The following ASAP2 variants were observed in gnomAD, a reference collection of about 807,000 sequenced individuals.
The protein encoded by ASAP2 is arf-GAP with SH3 domain, ANK repeat and PH domain-containing protein 2.
A neutral mutation model predicts 131.4 loss-of-function variants in ASAP2; 45 were observed. That is an observed-to-expected ratio of 0.34 (90% CI 0.27 to 0.44). The LOEUF is 0.44. Ranked by LOEUF, ASAP2 falls within the 20% of genes least tolerant of loss-of-function variation. The pLI is 1.00. For missense variants in ASAP2, 1,011 were observed against 1,297.0 expected, an observed-to-expected ratio of 0.78 and a Z score of 3.39; for synonymous variants, 510 against 503.0, an observed-to-expected ratio of 1.01 and a Z score of -0.19.
In ASAP2 at chr2:9,385,361, C is replaced by G. The variant is rs767518399; in HGVS notation, c.2130+3C>G. On this transcript the variant is annotated splice_donor_region_variant and intron_variant, in intron 21 of 27. Transcript: ENST00000281419. ...ACGACATGGATGAGAAATTGCAGGT[C>G]TGTGCCAGGTTGCTAACCATTAAGA... is the stretch of plus-strand genomic sequence containing the variant. 2 of 1,608,574 alleles carry G rather than the reference C, an allele frequency of 1.2e-6. No homozygotes were observed. The highest frequency in any genetic ancestry group is 1.1e-5 in the South Asian group (1 of 90,978).
At chr2:9,287,118 C>T (rs891243164) in intron 2 of ASAP2, among the ~76,000 whole-genome samples, 3 of 152,202 alleles carry the variant, frequency 2.0e-5, no homozygotes, top group Non-Finnish European at 2.9e-5. Flanking sequence ...ACCAGGTGAG[C>T]GTCCCGTCTC....
At chr2:9,267,762 G>A (rs748975183) in intron 1 of ASAP2, among the ~76,000 whole-genome samples, 10 of 152,036 alleles carry the variant, frequency 6.6e-5, no homozygotes, top group Non-Finnish European at 1.2e-4. Context: ...GCTGGGCGTA[G>A]TAGTGCACAC....
intron 2 of ASAP2, among the ~76,000 whole-genome samples, chr2:9,290,779 C>T (rs932478844): frequency 6.6e-6 from 1 of 152,192 alleles, no homozygotes; most frequent in East Asian, 1.9e-4. Flanking sequence ...AGCTCTGCCT[C>T]TTAGAAGTTG....
At chr2:9,229,243 G>A (rs893888898) in intron 1 of ASAP2, among the ~76,000 whole-genome samples, 2 of 152,190 alleles carry the variant, frequency 1.3e-5, no homozygotes, top group African/African-American at 4.8e-5. Flanking sequence ...TGGCGGGGCA[G>A]GTGGCCGGTG....
At chr2:9,242,200 G>A (rs185077309) in intron 1 of ASAP2, among the ~76,000 whole-genome samples, 49 of 152,258 alleles carry the variant, frequency 3.2e-4, no homozygotes, top group African/African-American at 1.2e-3. Flanking sequence ...TCTTTGGACC[G>A]TGATCTTAGG....
intron 7 of ASAP2, among the ~76,000 whole-genome samples, chr2:9,334,533 G>A (rs1357125801): frequency 2.6e-5 from 4 of 152,058 alleles, no homozygotes; most frequent in East Asian, 3.9e-4. Flanking sequence ...TAAGCTTATT[G>A]CATTTCCTTT....
At chr2:9,312,285 T>G (rs1401614354) in intron 3 of ASAP2, among the ~76,000 whole-genome samples, 1 of 152,224 alleles carries the variant, frequency 6.6e-6, no homozygotes, top group Non-Finnish European at 1.5e-5. Flanking sequence ...TTTTGGATAA[T>G]TTAAATAATT....
chr2:9,305,451 ATTGGTGTAGAGG>A (rs1668829979), intron 3 of ASAP2, among the ~76,000 whole-genome samples: 1 of 116,294 alleles, frequency 8.6e-6, no homozygotes, highest in African/African-American at 3.3e-5. Flanking sequence ...GGGTATAGAT[ATTGGTGTAGAGG>A]CTGTAGTAGT....
At chr2:9,306,046 G>C (rs946940001) in intron 3 of ASAP2, among the ~76,000 whole-genome samples, 3 of 143,704 alleles carry the variant, frequency 2.1e-5, no homozygotes, top group Non-Finnish European at 4.6e-5. Context: ...GGCTGTGGGA[G>C]AGTATCGATA....
chr2:9,223,340 G>A (rs544337553), intron 1 of ASAP2, among the ~76,000 whole-genome samples: 1 of 152,084 alleles, frequency 6.6e-6, no homozygotes, highest in Non-Finnish European at 1.5e-5. Context: ...TCTCTTAAGG[G>A]CCCTGTTTTA....
At chr2:9,348,520 T>A (rs1672123004) in intron 11 of ASAP2, among the ~76,000 whole-genome samples, 1 of 152,254 alleles carries the variant, frequency 6.6e-6, no homozygotes, top group Non-Finnish European at 1.5e-5. Context: ...TTGCTAATAC[T>A]TAATCTATGT....
intron 18 of ASAP2, 85 bp downstream of exon 18, chr2:9,377,078 A>G (rs933153148): frequency 4.3e-5 from 53 of 1,223,122 alleles, no homozygotes; most frequent in Non-Finnish European, 5.6e-5. Context: ...ATCGCTTCTG[A>G]TGTGTTGTCA....
intron 2 of ASAP2, among the ~76,000 whole-genome samples, chr2:9,284,417 T>C (rs1667336358): frequency 6.6e-6 from 1 of 152,208 alleles, no homozygotes. Flanking sequence ...GAAAGACCAA[T>C]TCTGGGAGAT....
intron 21 of ASAP2, 69 bp from the exon 22 acceptor site, chr2:9,388,225 T>C: frequency 1.3e-6 from 2 of 1,590,474 alleles, no homozygotes; most frequent in Non-Finnish European, 1.7e-6. Context: ...TTCACCCCTG[T>C]GTTGAATGTT....
At chr2:9,286,325 G>A (rs2148342427) in intron 2 of ASAP2, among the ~76,000 whole-genome samples, 1 of 152,180 alleles carries the variant, frequency 6.6e-6, no homozygotes, top group African/African-American at 2.4e-5. Flanking sequence ...ATGAACCTGG[G>A]AGGTTGAGGC....
At chr2:9,236,635 T>A (rs952499112) in intron 1 of ASAP2, among the ~76,000 whole-genome samples, 3 of 152,202 alleles carry the variant, frequency 2.0e-5, no homozygotes, top group Non-Finnish European at 2.9e-5. Flanking sequence ...TGATAAAATT[T>A]AAAAAATTAA....
rs368070565 is a variant in ASAP2 at position 9,231,621 on chromosome 2, G to A, written c.126+24391G>A. Among the ~76,000 whole-genome samples the A allele has an allele frequency of 5.9e-4, 90 of 152,290 alleles. 1 individual carries two copies. The highest frequency in any genetic ancestry group is 2.0e-3 in the African/African-American group (82 of 41,566). ...CTGCCTGTTCTTCCTCCTGTCAGAGGGCCCTGTTCTTGCTCATAGACTCCT... is the reference window on the plus strand; with the variant it reads ...CTGCCTGTTCTTCCTCCTGTCAGAGAGCCCTGTTCTTGCTCATAGACTCCT... On this transcript the variant is annotated intron_variant, in intron 1 of 27. Coordinates refer to ENST00000281419, the MANE Select transcript of ASAP2 (RefSeq NM_003887.3).
At chr2:9,228,941 C>G (rs890563216) in intron 1 of ASAP2, among the ~76,000 whole-genome samples, 1 of 152,164 alleles carries the variant, frequency 6.6e-6, no homozygotes, top group Admixed American at 6.5e-5. Flanking sequence ...GCACCCCTCA[C>G]GGGCCAACTC....
At chr2:9,376,160 C>T (rs879281937) in intron 17 of ASAP2, among the ~76,000 whole-genome samples, 8 of 152,258 alleles carry the variant, frequency 5.3e-5, no homozygotes, top group Non-Finnish European at 1.2e-4. Flanking sequence ...CCCACTCTCT[C>T]CCCATCCCCA....
Sources: gnomAD v4.1 joint callset for allele counts (sites outside exome capture counted in the v4.1 genomes callset) on GRCh38, gnomAD v4.1.1 for gene constraint, MANE v1.5 for transcripts, NCBI Gene and HGNC (gene_info 2026-07-23, HGNC 2026-07-21) for gene names.